The following TENM2 variants were observed in gnomAD, a reference collection of about 807,000 sequenced individuals.
The protein encoded by TENM2 is teneurin-2.
A neutral mutation model predicts 245.2 loss-of-function variants in TENM2; 52 were observed. The observed-to-expected ratio is 0.21, with a 90% CI of 0.17 to 0.27. The LOEUF (loss-of-function observed/expected upper bound fraction) is 0.27, where lower values mean the gene tolerates loss of function less well. Ranked by LOEUF, TENM2 falls within the 10% of genes least tolerant of loss-of-function variation. The pLI is 1.00. For synonymous variants in TENM2, 1,363 were observed against 1,438.9 expected (o/e 0.95, Z 1.19); for missense variants, 3,046 against 3,666.8 (o/e 0.83, Z 4.37).
chr5:167,898,988 G>T (rs542270222), intron 3 of TENM2, among the ~76,000 whole-genome samples: 4 of 152,152 alleles, frequency 2.6e-5, no homozygotes, highest in Non-Finnish European at 5.9e-5. Flanking sequence ...TGGATTTCAG[G>T]GAAGAGAGGC....
chr5:167,477,672 A>G (rs1462373389), intron 2 of TENM2, among the ~76,000 whole-genome samples: 3 of 152,172 alleles, frequency 2.0e-5, no homozygotes, highest in Non-Finnish European at 4.4e-5. Context: ...TTCATGTCAA[A>G]AGTGTTGATT....
intron 12 of TENM2, among the ~76,000 whole-genome samples, chr5:168,141,838 C>T (rs370073460): frequency 6.6e-6 from 1 of 152,174 alleles, no homozygotes; most frequent in East Asian, 1.9e-4. Flanking sequence ...TTCTCTGTAT[C>T]TTCATTCATC....
chr5:167,239,399 C>T, the TENM2 span, among the ~76,000 whole-genome samples: 2 of 152,280 alleles, frequency 1.3e-5, no homozygotes, highest in South Asian at 4.1e-4. Context: ...CTATCAAGAA[C>T]ATGTTTTCTT....
intron 2 of TENM2, among the ~76,000 whole-genome samples, chr5:167,381,740 A>G (rs1010122672): frequency 3.3e-5 from 5 of 152,118 alleles, no homozygotes; most frequent in Non-Finnish European, 4.4e-5. Flanking sequence ...TGACCTACAT[A>G]CAGTCTTTAT....
the TENM2 span, among the ~76,000 whole-genome samples, chr5:167,259,725 AT>A: frequency 9.9e-4 from 147 of 149,172 alleles, 2 homozygotes; most frequent in Middle Eastern, 0.01. Context: ...TTCTCCTCTG[AT>A]TTTTTTTTTG....
chr5:167,879,788 G>A (rs1160991937), intron 3 of TENM2, among the ~76,000 whole-genome samples: 1 of 152,120 alleles, frequency 6.6e-6, no homozygotes, highest in African/African-American at 2.4e-5. Flanking sequence ...TAGATCTTAT[G>A]TGGCAAAAGA....
intron 2 of TENM2, among the ~76,000 whole-genome samples, chr5:167,656,622 T>C (rs1367871742): frequency 6.6e-6 from 1 of 152,176 alleles, no homozygotes; most frequent in Non-Finnish European, 1.5e-5. Context: ...AAAACTTTTT[T>C]TTTGAATTTT....
At chr5:167,996,487 C>A (rs1204403483) in intron 5 of TENM2, among the ~76,000 whole-genome samples, 1 of 152,174 alleles carries the variant, frequency 6.6e-6, no homozygotes, top group Non-Finnish European at 1.5e-5. Context: ...CTGTGAAATG[C>A]AAGAGACTTT....
chr5:167,788,906 A>C (rs1260154410), intron 2 of TENM2, among the ~76,000 whole-genome samples: 1 of 152,182 alleles, frequency 6.6e-6, no homozygotes, highest in Non-Finnish European at 1.5e-5. Flanking sequence ...GTACTAGGAA[A>C]GTGAGTCCTA....
intron 2 of TENM2, among the ~76,000 whole-genome samples, chr5:167,501,598 G>T: frequency 6.6e-6 from 1 of 152,044 alleles, no homozygotes; most frequent in East Asian, 1.9e-4. Flanking sequence ...TTATCTCCTT[G>T]TTTCTCCCAA....
At chr5:167,312,886 C>T (rs1480771865) in intron 1 of TENM2, among the ~76,000 whole-genome samples, 1 of 148,680 alleles carries the variant, frequency 6.7e-6, no homozygotes, top group Non-Finnish European at 1.5e-5. Flanking sequence ...GCCCTGCCCT[C>T]ATGAAACCTT....
chr5:167,366,319 T>G (rs1581854145), intron 1 of TENM2, among the ~76,000 whole-genome samples: 2 of 152,240 alleles, frequency 1.3e-5, no homozygotes, highest in East Asian at 3.9e-4. Context: ...TTCCTAAATT[T>G]TCTAAATCAA....
chr5:167,119,259 G>A, the TENM2 span, among the ~76,000 whole-genome samples: 1 of 152,154 alleles, frequency 6.6e-6, no homozygotes, highest in African/African-American at 2.4e-5. Flanking sequence ...TTAAACTTCA[G>A]GCTGAGTGCA....
At chr5:168,249,126 A>G (rs1431958787) in intron 27 of TENM2, among the ~76,000 whole-genome samples, 2 of 148,346 alleles carry the variant, frequency 1.3e-5, no homozygotes, top group Admixed American at 1.3e-4. Flanking sequence ...CCTGTCTCAA[A>G]AAAAAAAAAA....
chr5:167,336,508 T>C (rs1484625929), intron 1 of TENM2, among the ~76,000 whole-genome samples: 1 of 151,898 alleles, frequency 6.6e-6, no homozygotes, highest in Admixed American at 6.6e-5. Flanking sequence ...CTCTGTTATC[T>C]AAGGAATAAA....
At chr5:168,263,479 T>C (rs1021503579), downstream of TENM2, 1 of 152,364 alleles carries the variant, frequency 6.6e-6, no homozygotes, top group African/African-American at 2.4e-5. Flanking sequence ...GGAAATACTT[T>C]TTAAAGAAAA....
intron 2 of TENM2, among the ~76,000 whole-genome samples, chr5:167,530,967 T>A (rs1373407665): frequency 6.6e-6 from 1 of 152,116 alleles, no homozygotes; most frequent in Non-Finnish European, 1.5e-5. Context: ...TGAGCTGAAG[T>A]GAAGAAAATA....
intron 9 of TENM2, 76 bp downstream of exon 11, chr5:168,098,203 A>G (rs1793522479): frequency 1.0e-6 from 1 of 997,086 alleles, no homozygotes; most frequent in Non-Finnish European, 1.6e-6. Context: ...AACAGAAGGG[A>G]CATCCAAGTA....
intron 25 of TENM2, among the ~76,000 whole-genome samples, chr5:168,230,387 CA>C (rs1187874161): frequency 1.3e-5 from 2 of 152,180 alleles, no homozygotes; most frequent in African/African-American, 4.8e-5. Context: ...TATTTTAATT[CA>C]GTTCGTAAAC....
Sources: allele counts gnomAD v4.1 joint callset (sites outside exome capture counted in the v4.1 genomes callset), GRCh38; gene constraint gnomAD v4.1.1; transcripts MANE v1.5; gene names NCBI Gene and HGNC (gene_info 2026-07-23, HGNC 2026-07-21).